Variants in UBR4 observed in about 807,000 individuals in gnomAD.
UBR4 encodes E3 ubiquitin-protein ligase UBR4.
In UBR4, 124 loss-of-function variants were observed where a neutral mutation model predicts 575.6. That is an observed-to-expected ratio of 0.22 (90% confidence interval 0.19 to 0.25). UBR4 has a LOEUF of 0.25. UBR4 is among the 10% of genes least tolerant of loss of function. UBR4 has a pLI of 1.00. For synonymous variants in UBR4, 2,455 were observed against 2,473.7 expected (o/e 0.99, Z 0.22); for missense variants, 4,818 against 6,478.8 (o/e 0.74, Z 8.80).
In UBR4 at chr1:19,100,244, C is replaced by A; in HGVS notation, c.13221+132G>T. 5 of 924,268 alleles carry A rather than the reference C, an allele frequency of 5.4e-6. No individual in the cohort carries two copies. The highest frequency in any genetic ancestry group is 8.4e-6 in the Non-Finnish European group (5 of 593,678). The allele number at this position is 924,268 out of a possible 1,614,324, so 57.3% of individuals were successfully genotyped here. ...GAAAGGTGGGAATCATTAACCCCAA[C>A]TTACAGAGTGGAGAAACTGAAGGCC... On this transcript the variant is annotated intron_variant, in intron 89 of 105. Transcript: ENST00000375254. The surrounding 1 kb of genome is among the most constrained non-coding windows in gnomAD (Gnocchi z 4.2).
intron 104 of UBR4, among the ~76,000 whole-genome samples, chr1:19,077,294 T>C (rs1416156633): frequency 6.6e-6 from 1 of 152,222 alleles, no homozygotes; most frequent in Non-Finnish European, 1.5e-5. Flanking sequence ...TGTTATAAGC[T>C]GGCTGCGGTA....
rs753882485 is a variant in UBR4 at position 19,153,267 on chromosome 1, A to G, written c.6832+34T>C. On this transcript the variant is annotated intron_variant, in intron 46 of 105. Transcript: ENST00000375254. This position sits in a 1 kb window ranked among gnomAD's most constrained non-coding sequence, Gnocchi z 4.1. ...CACTGTCTAGAAGACCACCATTCCT[A>G]CTCCCCCACAAGTCATCTGAGAAGG... The G allele has an allele frequency of 8.1e-6, 13 of 1,608,432 alleles. No individual in the cohort carries two copies. The highest frequency in any genetic ancestry group is 1.1e-5 in the Non-Finnish European group (13 of 1,175,508).
chr1:19,155,728 T>C lies in UBR4; in HGVS notation c.6073-60A>G, dbSNP rs1156842604. On this transcript the variant is annotated intron_variant, in intron 42 of 105. Transcript: ENST00000375254. ...CTATCTCAGTCCCATCCCCCAAATA[T>C]CTTAGTGAATCCAAATAGCCGGAAC... The C allele has an allele frequency of 5.6e-6, 8 of 1,426,758 alleles. No individual in the cohort carries two copies. In the East Asian group the frequency reaches 6.9e-5, roughly 12 times the overall value. The allele number at this position is 1,426,758 out of a possible 1,614,324, so 88.4% of individuals were successfully genotyped here. A position where few individuals can be genotyped will look rare whatever the true frequency, so the allele number is the denominator to read the frequency against.
Position 19,199,702 on chromosome 1 carries a change from C to T in UBR4, c.327G>A (p.Glu109=), listed in dbSNP as rs2092651725. Residue 109 remains glutamate, a synonymous_variant, in exon 3 of 106, where the codon GAG becomes GAA. Coordinates refer to ENST00000375254, the MANE Select transcript of UBR4 (RefSeq NM_020765.3). Reference sequence around the variant, plus strand: ...GATTCTCCAGACGCAGGAGAGAAAACTCAATTAGAACTTTACAGGCTGCTG... The same window carrying T: ...GATTCTCCAGACGCAGGAGAGAAAATTCAATTAGAACTTTACAGGCTGCTG... ...SVAAACKVLI[E]FSLLRLENPD... The T allele has an allele frequency of 6.2e-7, 1 of 1,614,172 alleles. No homozygotes were observed. The highest frequency in any genetic ancestry group is 8.5e-7 in the Non-Finnish European group (1 of 1,180,028).
In UBR4 at chr1:19,187,477, A is replaced by G; in HGVS notation, c.1458T>C (p.Ser486=). The G allele has an allele frequency of 6.2e-7, 1 of 1,613,978 alleles. No individual in the cohort carries two copies. The highest frequency in any genetic ancestry group is 1.1e-5 in the South Asian group (1 of 91,088). The change falls in exon 12 of 106, where the codon TCT becomes TCC. Residue 486 remains serine, a synonymous_variant. Coordinates refer to ENST00000375254, the MANE Select transcript of UBR4 (RefSeq NM_020765.3). ...CCTCCACTTGTAGGTCTTGAAAGAG[A>G]GACGTTAGCAGTTTGATGGCATGGT... The part of the protein sequence containing the change: ...LANHAIKLLT[S]LFQDLQVEAL...
chr1:19,156,569 T>A, intron 41 of UBR4, 146 bp from the exon 42 acceptor site: 1 of 1,284,330 alleles, frequency 7.8e-7, no homozygotes, highest in South Asian at 1.6e-5. Context: ...TCAGGTTTCA[T>A]GAACACAAAG....
At chr1:19,149,813 GAAA>G in intron 49 of UBR4, 4 of 986,028 alleles carry the variant, frequency 4.1e-6, no homozygotes, top group Admixed American at 3.7e-5. Context: ...GAGAAGCAAA[GAAA>G]AAAAAAAAAG....
chr1:19,127,488 C>T (rs1272159215), intron 63 of UBR4, 135 bp downstream of exon 63: 7 of 703,712 alleles, frequency 9.9e-6, no homozygotes, highest in Admixed American at 4.6e-5. Context: ...GAAAAGGTGA[C>T]AGCTTAGAAT....
rs2085837961 is a variant in UBR4, at chr1:19,152,258, A to T, written c.6996+55T>A. ...CTAAAAGGAGATGTGTTCTCAAACC[A>T]TATTGTTTGAGTCCTTCTACCCAGG... is the stretch of plus-strand genomic sequence containing the variant. On this transcript the variant is annotated intron_variant, in intron 47 of 105. Coordinates refer to ENST00000375254, the MANE Select transcript of UBR4 (RefSeq NM_020765.3). This position sits in a 1 kb window ranked among gnomAD's most constrained non-coding sequence, Gnocchi z 4.4. The T allele has an allele frequency of 1.2e-6, 2 of 1,601,894 alleles. No individual in the cohort carries two copies. Among genetic ancestry groups the T allele is most frequent in the Admixed American group, 3.4e-5 (2 of 59,612 alleles).
rs779949323 is a variant in UBR4 at position 19,141,503 on chromosome 1, T to C, written c.8332A>G (p.Thr2778Ala). ...TTGCCATTGTTGACATTTTCAGCTGTCTCCAGGACCATCGACTCAGACTGC... is the reference window on the plus strand; with the variant it reads ...TTGCCATTGTTGACATTTTCAGCTGCCTCCAGGACCATCGACTCAGACTGC... Reference protein sequence around the residue: ...EMVSESMVLETAENVNNGNPS... With the variant: ...EMVSESMVLEAAENVNNGNPS... Residue 2778 changes from threonine to alanine, a missense_variant, in exon 57 of 106, where the codon ACA becomes GCA. By Grantham distance (58) the Thr-to-Ala change is moderately conservative (BLOSUM62 0). This residue lies in a region of UBR4 where 129 missense variants were observed against 198.4 expected (regional missense o/e 0.65). Coordinates refer to ENST00000375254, the MANE Select transcript of UBR4 (RefSeq NM_020765.3). 1 of 1,610,228 alleles carries C rather than the reference T, an allele frequency of 6.2e-7. No homozygotes were observed. The highest frequency in any genetic ancestry group is 1.1e-5 in the South Asian group (1 of 90,452).
chr1:19,198,560 G>C lies in UBR4; in HGVS notation c.629C>G (p.Pro210Arg), dbSNP rs1173851124. The change falls in exon 5 of 106, where the codon CCT becomes CGT. Residue 210 changes from proline (P) to arginine (R), a missense_variant. Pro to Arg is a moderately radical substitution (Grantham distance 103). This residue lies in a region of UBR4 where 83 missense variants were observed against 77.3 expected (regional missense o/e 1.07). Coordinates refer to ENST00000375254, the MANE Select transcript of UBR4 (RefSeq NM_020765.3). Reference sequence around the variant, plus strand: ...ACTCACCAGAGTCTGTGTACTGATAGGTTGTGATGCTACAGTTCTAGGGTT... The same window carrying C: ...ACTCACCAGAGTCTGTGTACTGATACGTTGTGATGCTACAGTTCTAGGGTT... ...VFNPRTVASQ[P>R]ISTQTLVEGE... is the part of the protein sequence containing the mutation. 2.5e-6 allele frequency: 4 copies of C among 1,614,142 alleles called. No individual in the cohort carries two copies. The highest frequency in any genetic ancestry group is 2.2e-5 in the South Asian group (2 of 91,082).
intron 63 of UBR4, among the ~76,000 whole-genome samples, chr1:19,127,370 G>A (rs779858322): frequency 7.9e-5 from 12 of 152,190 alleles, no homozygotes; most frequent in Non-Finnish European, 8.8e-5. Context: ...AGAGAGCCCT[G>A]CTCTTCAATA....
chr1:19,125,407 G>A (rs16862556), intron 64 of UBR4, among the ~76,000 whole-genome samples: 6,182 of 152,274 alleles, frequency 0.041, 369 homozygotes, highest in African/African-American at 0.13. Flanking sequence ...AGGGTGCTCC[G>A]GGAACCCAGG....
Position 19,078,003 on chromosome 1 carries a change from G to A in UBR4, c.15297C>T (p.Leu5099=), listed in dbSNP as rs773318589. ...AYRSSLLFWA[L]VDLIYNMFKK... ...TAAACATGTTGTAAATGAGATCGAC[G>A]AGGGCCCAAAAGAGAAGGGAAGAAC... Residue 5099 remains leucine (L), a synonymous_variant, in exon 104 of 106, where the codon CTC becomes CTT. Coordinates refer to ENST00000375254, the MANE Select transcript of UBR4 (RefSeq NM_020765.3). 35 of 1,613,854 alleles carry A rather than the reference G, an allele frequency of 2.2e-5. No homozygotes were observed. The highest frequency in any genetic ancestry group is 2.7e-5 in the Non-Finnish European group (32 of 1,179,956).
intron 57 of UBR4, 122 bp downstream of exon 57, chr1:19,141,225 A>T: frequency 7.4e-7 from 1 of 1,351,444 alleles, no homozygotes; most frequent in Non-Finnish European, 1.0e-6. Flanking sequence ...AACAGCTCTC[A>T]CCCAGATCAA....
intron 55 of UBR4, 60 bp from the exon 56 acceptor site, chr1:19,141,837 G>A: frequency 1.3e-6 from 2 of 1,593,176 alleles, no homozygotes; most frequent in African/African-American, 1.3e-5. Context: ...GGCACATGGT[G>A]CCATAAGTCA....
chr1:19,162,630 A>G lies in UBR4; in HGVS notation c.4765-19T>C. On this transcript the variant is annotated intron_variant, in intron 34 of 105. Transcript: ENST00000375254. ...TCACATGCTGTAAGAGAAGCCCCACAGCAACTTCAGATTCTCCATGTTTCA... is the reference window on the plus strand; with the variant it reads ...TCACATGCTGTAAGAGAAGCCCCACGGCAACTTCAGATTCTCCATGTTTCA... The G allele has an allele frequency of 1.3e-6, 2 of 1,595,508 alleles. No individual in the cohort carries two copies. The highest frequency in any genetic ancestry group is 2.2e-5 in the South Asian group (2 of 88,974).
rs780111433 is a variant in UBR4, at chr1:19,092,851, G to A, written c.14179C>T (p.Arg4727Trp). 1.9e-5 allele frequency: 30 copies of A among 1,613,012 alleles called. No individual in the cohort carries two copies. The highest frequency in any genetic ancestry group is 9.9e-5 in the South Asian group (9 of 90,644). ...CCAGGGTGCTGGATGGCCAGGCCCC[G>A]AAGCAGCCTTAGGATAAATGGCAAG... ...PALPFILRLL[R>W]GLAIQHPGTQ... The change falls in exon 97 of 106, where the codon CGG (arginine) becomes TGG (tryptophan). Residue 4727 changes from arginine to tryptophan, a missense_variant. Around this residue, in one of 29 missense-constraint regions of UBR4, gnomAD observed 196 missense variants for 386.8 expected, o/e 0.51. Transcript: ENST00000375254.
intron 19 of UBR4, 107 bp downstream of exon 19, chr1:19,177,354 C>T: frequency 6.9e-7 from 1 of 1,451,078 alleles, no homozygotes; most frequent in Non-Finnish European, 9.3e-7. Context: ...CTACCAAAAC[C>T]TAAAACCTAA....
Sources: allele counts gnomAD v4.1 joint callset (sites outside exome capture counted in the v4.1 genomes callset), GRCh38; gene constraint gnomAD v4.1.1; regional missense constraint gnomAD v4.1.1; non-coding constraint Gnocchi (gnomAD v3.1); transcripts MANE v1.5; gene names NCBI Gene and HGNC (gene_info 2026-07-23, HGNC 2026-07-21).